The following DNAH6 variants were observed in gnomAD, a reference collection of about 807,000 sequenced individuals.
The protein encoded by DNAH6 is axonemal beta dynein heavy chain 6.
DNAH6 carries 340 observed loss-of-function variants against 491.4 expected under a neutral mutation model. The observed-to-expected ratio is 0.69, with a 90% CI of 0.63 to 0.76. The LOEUF (loss-of-function observed/expected upper bound fraction) is 0.76. Ranked by LOEUF, DNAH6 falls within the 30% of genes least tolerant of loss-of-function variation. DNAH6 has a pLI of 0.00. For missense variants in DNAH6, 4,443 were observed against 4,972.2 expected, an observed-to-expected ratio of 0.89 and a Z score of 3.20; for synonymous variants, 1,603 against 1,686.1, an observed-to-expected ratio of 0.95 and a Z score of 1.21.
chr2:84,521,864 T>C (rs1443981121), intron 2 of DNAH6, among the ~76,000 whole-genome samples: 1 of 152,194 alleles, frequency 6.6e-6, no homozygotes, highest in Non-Finnish European at 1.5e-5. Flanking sequence ...CATGTTGTTT[T>C]GGTTACTGTA....
intron 62 of DNAH6, among the ~76,000 whole-genome samples, chr2:84,734,883 A>G (rs1699409407): frequency 6.6e-6 from 1 of 152,140 alleles, no homozygotes; most frequent in South Asian, 2.1e-4. Flanking sequence ...TGCCTTAAAT[A>G]TATTTCTTTT....
At chr2:84,575,042 T>C (rs1456253921) in intron 12 of DNAH6, among the ~76,000 whole-genome samples, 1 of 152,080 alleles carries the variant, frequency 6.6e-6, no homozygotes, top group Non-Finnish European at 1.5e-5. Flanking sequence ...GGCTGCGACT[T>C]TGGAGTACCT....
chr2:84,511,401 C>T, the DNAH6 span, among the ~76,000 whole-genome samples: 2 of 152,184 alleles, frequency 1.3e-5, no homozygotes, highest in South Asian at 2.1e-4. Context: ...CCTGGTGTGC[C>T]GTTTGCTAAG....
chr2:84,544,705 G>C (rs1170257700), intron 5 of DNAH6, among the ~76,000 whole-genome samples: 1 of 152,266 alleles, frequency 6.6e-6, no homozygotes, highest in East Asian at 1.9e-4. Context: ...AAATGCAAAA[G>C]TATAAGAAGA....
chr2:84,591,040 G>A (rs962767968), intron 16 of DNAH6, among the ~76,000 whole-genome samples: 4 of 152,166 alleles, frequency 2.6e-5, no homozygotes, highest in African/African-American at 9.7e-5. Context: ...AAGCAAGCAA[G>A]AATTCCCAAA....
At chr2:84,674,697 G>A (rs986418918) in intron 40 of DNAH6, among the ~76,000 whole-genome samples, 1 of 152,044 alleles carries the variant, frequency 6.6e-6, no homozygotes, top group Non-Finnish European at 1.5e-5. Context: ...TCCCAACAAC[G>A]CAGTGAGGAG....
At chr2:84,629,540 A>C (rs1443658417) in intron 29 of DNAH6, among the ~76,000 whole-genome samples, 2 of 152,200 alleles carry the variant, frequency 1.3e-5, no homozygotes, top group Non-Finnish European at 2.9e-5. Flanking sequence ...CATCTGTGAA[A>C]TACCTATTTA....
chr2:84,754,239 G>A lies in DNAH6; in HGVS notation c.10513-8516G>A, dbSNP rs539777637. Among the ~76,000 whole-genome samples the A allele has an allele frequency of 4.6e-5, 7 of 152,024 alleles. No homozygotes were observed. In the South Asian group the frequency reaches 1.5e-3, roughly 32 times the overall value. On this transcript the variant is annotated intron_variant, in intron 63 of 76. Coordinates refer to ENST00000389394, the MANE Select transcript of DNAH6 (RefSeq NM_001370.2). ...TTGTCGCCCAGGCTGGAGTGCAATG[G>A]CACGATCTCGGCTCACTGCAACCTC...
intron 2 of DNAH6, among the ~76,000 whole-genome samples, chr2:84,519,640 TCC>T (rs1041416273): frequency 3.5e-5 from 5 of 144,068 alleles, no homozygotes; most frequent in African/African-American, 1.3e-4. Flanking sequence ...TTCTTTCCCC[TCC>T]TCTTCCTTCT....
At chr2:84,528,376 A>G (rs1214148068) in intron 3 of DNAH6, among the ~76,000 whole-genome samples, 1 of 152,204 alleles carries the variant, frequency 6.6e-6, no homozygotes, top group Non-Finnish European at 1.5e-5. Context: ...AGTTGATAAA[A>G]TCAATGCTTC....
In DNAH6 at chr2:84,812,998, C is replaced by T. The variant is rs766521914; in HGVS notation, c.11926-60C>T. ...GAAACTCTCCCCAAATAGGACTTTG[C>T]TTTAGAAAACAAATTCCATCCCAGA... On this transcript the variant is annotated intron_variant, in intron 73 of 76. Transcript: ENST00000389394. 664 of 1,438,202 alleles carry T rather than the reference C, an allele frequency of 4.6e-4. 1 individual carries two copies. Among genetic ancestry groups the T allele is most frequent in the Middle Eastern group, 1.2e-3 (6 of 5,120 alleles). 89.1% of individuals were successfully genotyped at this position (1,438,202 alleles called of 1,614,324 possible).
intron 63 of DNAH6, among the ~76,000 whole-genome samples, chr2:84,752,467 G>A (rs899998585): frequency 3.0e-4 from 45 of 151,994 alleles, no homozygotes; most frequent in African/African-American, 1.1e-3. Context: ...ACTTTATTGA[G>A]GGATAATTTA....
At chr2:84,662,195 G>T (rs1238768286) in intron 37 of DNAH6, among the ~76,000 whole-genome samples, 1 of 152,080 alleles carries the variant, frequency 6.6e-6, no homozygotes. Flanking sequence ...ACAGCTCCCA[G>T]CATGAGCAAT....
chr2:84,476,352 T>C, the DNAH6 span, among the ~76,000 whole-genome samples: 2 of 152,192 alleles, frequency 1.3e-5, no homozygotes, highest in Non-Finnish European at 2.9e-5. Context: ...CACCAATTGC[T>C]CCAGGTTTTA....
intron 37 of DNAH6, among the ~76,000 whole-genome samples, chr2:84,660,620 A>T (rs565926586): frequency 1.2e-3 from 167 of 144,528 alleles, no homozygotes; most frequent in African/African-American, 3.9e-3. Context: ...GTATTTACTT[A>T]AAAAAAAAAC....
chr2:84,719,241 T>A (rs1697849723), intron 59 of DNAH6, among the ~76,000 whole-genome samples: 1 of 152,238 alleles, frequency 6.6e-6, no homozygotes, highest in South Asian at 2.1e-4. Context: ...TTTCTTCCTC[T>A]CTGCTTTAGC....
chr2:84,677,026 T>G lies in DNAH6; in HGVS notation c.6634T>G (p.Cys2212Gly), dbSNP rs779340215. 9.3e-5 allele frequency: 145 copies of G among 1,551,700 alleles called. No homozygotes were observed. Among genetic ancestry groups the G allele is most frequent in the Non-Finnish European group, 1.1e-4 (125 of 1,147,006 alleles). ...ACAGGATGTAACAATCATATCGGCA[T>G]GTGCACCTCCAGGCGGTGGCCGCAA... ...EIQDVTIISA[C>G]APPGGGRNPV... Residue 2212 changes from cysteine (C) to glycine (G), a missense_variant, in exon 41 of 77, where the codon TGT becomes GGT. By Grantham distance (159) the Cys-to-Gly change is radical (BLOSUM62 -3). Coordinates refer to ENST00000389394, the MANE Select transcript of DNAH6 (RefSeq NM_001370.2).
chr2:84,685,031 A>T (rs1694138721), intron 42 of DNAH6, among the ~76,000 whole-genome samples: 1 of 152,228 alleles, frequency 6.6e-6, no homozygotes, highest in Non-Finnish European at 1.5e-5. Flanking sequence ...AACATATTGC[A>T]ATTCATGTAA....
chr2:84,740,118 T>C (rs1417063984), intron 62 of DNAH6, among the ~76,000 whole-genome samples: 2 of 152,142 alleles, frequency 1.3e-5, no homozygotes, highest in African/African-American at 4.8e-5. Context: ...ATTAATTGGC[T>C]TCATTTCTAG....
Sources: gnomAD v4.1 joint callset for allele counts (sites outside exome capture counted in the v4.1 genomes callset) on GRCh38, gnomAD v4.1.1 for gene constraint, MANE v1.5 for transcripts, NCBI Gene and HGNC (gene_info 2026-07-23, HGNC 2026-07-21) for gene names.